UNC79: variants seen among roughly 807,000 people sequenced by gnomAD.
UNC79 encodes the protein unc-79 subunit of NALCN channel complex, also known as protein unc-79 homolog.
A neutral mutation model predicts 283.1 loss-of-function variants in UNC79; 37 were observed. That is an observed-to-expected ratio of 0.13 (90% confidence interval 0.10 to 0.17). The LOEUF (loss-of-function observed/expected upper bound fraction) is 0.17. Ranked by LOEUF, UNC79 falls within the 10% of genes least tolerant of loss-of-function variation. The pLI, the probability that UNC79 is intolerant of heterozygous loss-of-function variation, is 1.00. For synonymous variants in UNC79, 1,107 were observed against 1,200.2 expected (o/e 0.92, Z 1.61); for missense variants, 2,272 against 3,211.1 (o/e 0.71, Z 7.07).
chr14:93,413,273 G>A (rs1014010896), intron 1 of UNC79, among the ~76,000 whole-genome samples: 19 of 149,506 alleles, frequency 1.3e-4, no homozygotes, highest in Admixed American at 6.8e-4. Flanking sequence ...GAGAATATGC[G>A]GTGTTTGGTT....
At chr14:93,347,915 T>A (rs1270497256) in intron 1 of UNC79, 3 of 637,702 alleles carry the variant, frequency 4.7e-6, no homozygotes, top group Non-Finnish European at 8.5e-6. Flanking sequence ...GGCGCCTGTT[T>A]CTAGGACAAC....
At chr14:93,437,375 T>C (rs1051086424) in intron 1 of UNC79, 5 of 152,218 alleles carry the variant, frequency 3.3e-5, no homozygotes, top group Non-Finnish European at 5.9e-5. Context: ...TCAAGTACCT[T>C]AATTCCTATT....
intron 24 of UNC79, 84 bp downstream of exon 24, chr14:93,597,624 CT>C: frequency 7.3e-7 from 1 of 1,373,328 alleles, no homozygotes; most frequent in Non-Finnish European, 9.8e-7. Flanking sequence ...ACGTCCTAGT[CT>C]GTTTGACCTG....
chr14:93,502,603 G>C (rs1023997617), intron 7 of UNC79, among the ~76,000 whole-genome samples: 8 of 152,230 alleles, frequency 5.3e-5, no homozygotes, highest in African/African-American at 1.4e-4. Context: ...AAATTATTTA[G>C]CAATTTTCCT....
At chr14:93,697,755 CA>C (rs1208077365) in intron 47 of UNC79, among the ~76,000 whole-genome samples, 3 of 151,482 alleles carry the variant, frequency 2.0e-5, no homozygotes, top group Admixed American at 6.6e-5. Flanking sequence ...CTCTACCCTG[CA>C]AAAAAAAGAT....
intron 41 of UNC79, among the ~76,000 whole-genome samples, chr14:93,676,903 T>A (rs1039542289): frequency 6.6e-6 from 1 of 152,220 alleles, no homozygotes; most frequent in African/African-American, 2.4e-5. Flanking sequence ...TTAAAACAAA[T>A]GTGTGACTTG....
chr14:93,608,643 T>C (rs900102844), intron 26 of UNC79, among the ~76,000 whole-genome samples: 24 of 152,302 alleles, frequency 1.6e-4, no homozygotes, highest in Admixed American at 4.6e-4. Flanking sequence ...TGCTTACTCA[T>C]TGGCTGCCCT....
chr14:93,546,701 G>A (rs2061618666), intron 14 of UNC79, among the ~76,000 whole-genome samples: 1 of 152,068 alleles, frequency 6.6e-6, no homozygotes, highest in Non-Finnish European at 1.5e-5. Flanking sequence ...AACAAAAAAC[G>A]ATACAAATTA....
At chr14:93,503,779 AAAGTT>A (rs1358954102) in intron 7 of UNC79, among the ~76,000 whole-genome samples, 2 of 151,074 alleles carry the variant, frequency 1.3e-5, no homozygotes, top group Non-Finnish European at 2.9e-5. Context: ...ATCATTAAAT[AAAGTT>A]ATTTTAATAT....
Position 93,520,142 on chromosome 14 carries a change from A to T in UNC79, c.899-3836A>T, listed in dbSNP as rs1226294642. On this transcript the variant is annotated intron_variant, in intron 7 of 48. Transcript: ENST00000555664. ...TTTGTCTTCAAATAGTCTTTATTTC[A>T]TACTCATTTTTGAAGGATAATTTCA... is the stretch of plus-strand genomic sequence containing the variant. Among the ~76,000 whole-genome samples the T allele has an allele frequency of 2.0e-5, 3 of 151,878 alleles. 1 individual carries two copies. The highest frequency in any genetic ancestry group is 3.9e-4 in the East Asian group (2 of 5,194).
intron 10 of UNC79, 82 bp downstream of exon 10, chr14:93,529,408 A>C: frequency 1.3e-6 from 2 of 1,484,968 alleles, no homozygotes; most frequent in South Asian, 2.4e-5. Context: ...GTACTATTTT[A>C]TTTTACAAAG....
At chr14:93,600,851 C>G (rs2065447480) in intron 25 of UNC79, 81 bp downstream of exon 25, 18 of 1,483,594 alleles carry the variant, frequency 1.2e-5, no homozygotes, top group Non-Finnish European at 1.7e-5. Flanking sequence ...ATTGGCATGT[C>G]GTTTAATTCC....
chr14:93,367,621 G>A (rs1334079015), intron 1 of UNC79, among the ~76,000 whole-genome samples: 3 of 145,688 alleles, frequency 2.1e-5, no homozygotes. Context: ...CAATAGGTAT[G>A]GTAAATTGAA....
chr14:93,694,204 A>G lies in UNC79; in HGVS notation c.7471-131A>G. 3 of 650,884 alleles carry G rather than the reference A, an allele frequency of 4.6e-6. No individual in the cohort carries two copies. In the East Asian group the frequency reaches 8.3e-5, roughly 18 times the overall value. 40.3% of individuals were successfully genotyped at this position (650,884 alleles called of 1,614,324 possible). On this transcript the variant is annotated intron_variant, in intron 46 of 48. Transcript: ENST00000555664. ...TCAGAGGTGAATGAACACCACTGCC[A>G]GTGGTCTCCTACGGTCATTACACAG...
intron 1 of UNC79, among the ~76,000 whole-genome samples, chr14:93,377,430 T>TGA (rs1292317442): frequency 6.6e-6 from 1 of 152,068 alleles, no homozygotes; most frequent in Non-Finnish European, 1.5e-5. Flanking sequence ...GGTGATGTAC[T>TGA]GAGGGTTGAG....
intron 1 of UNC79, among the ~76,000 whole-genome samples, chr14:93,379,671 A>G (rs1384435980): frequency 6.6e-6 from 1 of 150,388 alleles, no homozygotes; most frequent in Non-Finnish European, 1.5e-5. Flanking sequence ...ACCTGAATGC[A>G]ATAAGAATGA....
chr14:93,406,655 T>A (rs1348755528), intron 1 of UNC79, among the ~76,000 whole-genome samples: 1 of 152,108 alleles, frequency 6.6e-6, no homozygotes, highest in Non-Finnish European at 1.5e-5. Context: ...CAGAAAACCT[T>A]ATGATCATCC....
chr14:93,353,707 G>C (rs925585415), intron 1 of UNC79, among the ~76,000 whole-genome samples: 4 of 152,146 alleles, frequency 2.6e-5, no homozygotes, highest in Non-Finnish European at 5.9e-5. Context: ...CCTCAAACTT[G>C]CTCTTCTTCC....
intron 4 of UNC79, among the ~76,000 whole-genome samples, chr14:93,479,922 T>C (rs927265470): frequency 4.6e-5 from 7 of 152,218 alleles, no homozygotes; most frequent in African/African-American, 1.7e-4. Context: ...GTGGGATTAA[T>C]GAGGAGGCTG....
Sources: allele counts gnomAD v4.1 joint callset (sites outside exome capture counted in the v4.1 genomes callset), GRCh38; gene constraint gnomAD v4.1.1; transcripts MANE v1.5; gene names NCBI Gene and HGNC (gene_info 2026-07-23, HGNC 2026-07-21).